PCSK5: variants seen among roughly 807,000 people sequenced by gnomAD.
PCSK5 encodes the protein proprotein convertase subtilisin/kexin type 5, also known as prohormone convertase 5.
In PCSK5, 129 loss-of-function variants were observed where a neutral mutation model predicts 233.2. That is an observed-to-expected ratio of 0.55 (90% CI 0.48 to 0.64). PCSK5 has a LOEUF of 0.64. Among genes scored for constraint, PCSK5 ranks in the 30% least tolerant of loss-of-function variants. The pLI is 0.00. For synonymous variants in PCSK5, 825 were observed against 879.2 expected, an observed-to-expected ratio of 0.94 and a Z score of 1.09; for missense variants, 2,076 against 2,430.1, an observed-to-expected ratio of 0.85 and a Z score of 3.06.
chr9:76,017,393 G>C (rs142571148), intron 3 of PCSK5, among the ~76,000 whole-genome samples: 23 of 152,098 alleles, frequency 1.5e-4, no homozygotes, highest in African/African-American at 5.3e-4. Flanking sequence ...TTATAAGAAG[G>C]CTTTGCCCCT....
intron 1 of PCSK5, among the ~76,000 whole-genome samples, chr9:75,929,022 G>A (rs1292503943): frequency 3.3e-5 from 5 of 151,966 alleles, no homozygotes; most frequent in African/African-American, 7.2e-5. Context: ...TGCAACCTCC[G>A]CCTCCCTGGT....
chr9:76,227,450 C>T, intron 20 of PCSK5, 53 bp from the exon 21 acceptor site: 1 of 1,282,940 alleles, frequency 7.8e-7, no homozygotes, highest in Non-Finnish European at 1.1e-6. Context: ...ACTGACAGCC[C>T]AGGCAGGCTT....
chr9:75,986,797 G>T (rs984284098), intron 3 of PCSK5, among the ~76,000 whole-genome samples: 20 of 152,172 alleles, frequency 1.3e-4, no homozygotes, highest in African/African-American at 4.8e-4. Context: ...TCAAGCAAAA[G>T]ATTTTTCAGT....
At chr9:76,023,938 T>A (rs1029421710) in intron 4 of PCSK5, 57 bp downstream of exon 4, 2 of 1,490,118 alleles carry the variant, frequency 1.3e-6, no homozygotes, top group African/African-American at 2.8e-5. Flanking sequence ...GAAACTCATG[T>A]TAGGATTATC....
chr9:76,239,567 A>G (rs1456258357), intron 23 of PCSK5, among the ~76,000 whole-genome samples: 1 of 151,768 alleles, frequency 6.6e-6, no homozygotes, highest in Non-Finnish European at 1.5e-5. Context: ...TTGGTGTTGC[A>G]TGCCTATAAT....
chr9:76,168,575 G>A (rs975500103), intron 12 of PCSK5, among the ~76,000 whole-genome samples: 1 of 152,098 alleles, frequency 6.6e-6, no homozygotes, highest in Non-Finnish European at 1.5e-5. Flanking sequence ...AATAATTCTA[G>A]CTATTTCAAG....
intron 22 of PCSK5, among the ~76,000 whole-genome samples, chr9:76,238,624 G>T (rs867431709): frequency 2.0e-5 from 3 of 152,178 alleles, no homozygotes; most frequent in South Asian, 2.1e-4. Context: ...ACCAAAAGGA[G>T]CCTTTGGGAA....
intron 20 of PCSK5, among the ~76,000 whole-genome samples, chr9:76,192,686 G>A (rs776900757): frequency 2.4e-4 from 33 of 137,682 alleles, no homozygotes; most frequent in African/African-American, 8.1e-4. Flanking sequence ...TTCAATATTC[G>A]AAGGAAAGAT....
At chr9:76,343,331 A>G (rs1238910538) in intron 35 of PCSK5, among the ~76,000 whole-genome samples, 14 of 85,688 alleles carry the variant, frequency 1.6e-4, no homozygotes, top group South Asian at 9.8e-4. Flanking sequence ...CACCTGGGTA[A>G]TTTGTGTGTG....
At chr9:76,311,024 C>CCAGATGCCCACTTCTCCTCTGTGACT (rs1828851169) in intron 30 of PCSK5, among the ~76,000 whole-genome samples, 173 bp downstream of exon 30, 1 of 152,158 alleles carries the variant, frequency 6.6e-6, no homozygotes, top group African/African-American at 2.4e-5. Flanking sequence ...TTACATGAGG[C>CCAGATGCCCACTTCTCCTCTGTGACT]CAGATGCCCA....
At chr9:76,276,202 A>G (rs1587827192) in intron 24 of PCSK5, among the ~76,000 whole-genome samples, 1 of 152,274 alleles carries the variant, frequency 6.6e-6, no homozygotes, top group Middle Eastern at 3.4e-3. Flanking sequence ...TTTCTCCTCT[A>G]GGATATTCCT....
At position 76,350,907 on chromosome 9, in the gene PCSK5, G is replaced by C. The variant is rs574151948; in HGVS notation, c.5046G>C (p.Val1682=). 3.7e-5 allele frequency: 60 copies of C among 1,602,162 alleles called. 1 individual carries two copies. The East Asian group carries it at 9.8e-4, about 26-fold the overall frequency. The part of the protein sequence containing the change: ...MGGICTSDCL[V]GEYRVGEGEK... The stretch of plus-strand genomic sequence containing the variant: ...GGATCTGCACCTCGGACTGTCTTGT[G>C]GGGGAATACAGAGTGGGAGAGGTAT... Residue 1682 remains valine (V), a synonymous_variant, in exon 36 of 38, where the codon GTG becomes GTC. Coordinates refer to ENST00000674117, the MANE Select transcript of PCSK5 (RefSeq NM_001372043.1).
At chr9:76,260,578 C>G (rs1020281904) in intron 24 of PCSK5, among the ~76,000 whole-genome samples, 2 of 152,142 alleles carry the variant, frequency 1.3e-5, no homozygotes, top group East Asian at 3.9e-4. Context: ...CAGCTGATAG[C>G]TAGCAAGGAA....
At chr9:76,102,820 G>GT (rs1261076789) in intron 8 of PCSK5, among the ~76,000 whole-genome samples, 3 of 152,188 alleles carry the variant, frequency 2.0e-5, no homozygotes, top group South Asian at 2.1e-4. Context: ...GAACGGAAGA[G>GT]TTGAAGTATA....
At chr9:76,349,912 G>A (rs967305969) in intron 35 of PCSK5, among the ~76,000 whole-genome samples, 5 of 152,134 alleles carry the variant, frequency 3.3e-5, no homozygotes, top group African/African-American at 1.2e-4. Flanking sequence ...TGTCTCCACA[G>A]GAAACAGGCT....
chr9:75,911,952 T>C (rs777336762), intron 1 of PCSK5, among the ~76,000 whole-genome samples: 4 of 152,162 alleles, frequency 2.6e-5, no homozygotes, highest in African/African-American at 7.2e-5. Flanking sequence ...CATCTCTTGA[T>C]AGAAGGAGTT....
chr9:75,989,522 G>A (rs1468542762), intron 3 of PCSK5, among the ~76,000 whole-genome samples: 1 of 151,614 alleles, frequency 6.6e-6, no homozygotes, highest in East Asian at 1.9e-4. Context: ...TTATCTCATA[G>A]ATTCTGAGGG....
chr9:76,053,770 T>G (rs1391685834), intron 5 of PCSK5, among the ~76,000 whole-genome samples: 1 of 152,176 alleles, frequency 6.6e-6, no homozygotes, highest in Non-Finnish European at 1.5e-5. Context: ...TTCCCACTTT[T>G]TCCTGTCTTC....
intron 5 of PCSK5, among the ~76,000 whole-genome samples, chr9:76,065,040 T>G (rs1274691048): frequency 4.6e-5 from 7 of 152,256 alleles, no homozygotes. Context: ...ATACCACATT[T>G]TCTTATTCAT....
Sources: gnomAD v4.1 joint callset for allele counts (sites outside exome capture counted in the v4.1 genomes callset) on GRCh38, gnomAD v4.1.1 for gene constraint, MANE v1.5 for transcripts, NCBI Gene and HGNC (gene_info 2026-07-23, HGNC 2026-07-21) for gene names.